SPDYA: variants seen among roughly 807,000 people sequenced by gnomAD.
SPDYA encodes the protein speedy protein A.
A neutral mutation model predicts 36.7 loss-of-function variants in SPDYA; 11 were observed. The ratio of observed to expected loss-of-function variants is 0.30; its 90% CI spans 0.19 to 0.50. The LOEUF is 0.50. Among genes scored for constraint, SPDYA ranks in the 20% least tolerant of loss-of-function variants. The pLI is 0.98. For missense variants in SPDYA, 287 were observed against 370.9 expected, an observed-to-expected ratio of 0.77 and a Z score of 1.86; for synonymous variants, 115 against 118.7, an observed-to-expected ratio of 0.97 and a Z score of 0.20.
rs535313113 is a variant in SPDYA at position 28,827,899 on chromosome 2, T to C, written c.381-1249T>C. 3.9e-5 allele frequency among the ~76,000 whole-genome samples: 6 copies of C among 152,348 alleles called. No individual in the cohort carries two copies. In the East Asian group the frequency reaches 7.7e-4, roughly 20 times the overall value. ...TGAAAGAATCCTTCATTGTTATTGA[T>C]ACTGGCCTTCAGAGTCTCCAATTCC... On this transcript the variant is annotated intron_variant, in intron 5 of 7. Coordinates refer to ENST00000334056, the MANE Select transcript of SPDYA (RefSeq NM_182756.4).
chr2:28,849,939 T>A lies in SPDYA; in HGVS notation c.940T>A (p.Ter314ArgextTer11). 1 of 1,584,574 alleles carries A rather than the reference T, an allele frequency of 6.3e-7. No homozygotes were observed. Among genetic ancestry groups the A allele is most frequent in the Middle Eastern group, 1.7e-4 (1 of 5,998 alleles). ...GGAGTGGTTTACAGGAAGTGAAGAA[T>A]GAGATGGCCCAACTAAACCAATTTG... The part of the protein sequence containing the change: ...SMEWFTGSEE[*>R] The change falls in exon 8 of 8, where the codon TGA becomes AGA. Residue 314 changes from the stop codon to arginine, a stop_lost. Coordinates refer to ENST00000334056, the MANE Select transcript of SPDYA (RefSeq NM_182756.4).
At chr2:28,828,487 AC>A (rs1668389522) in intron 5 of SPDYA, among the ~76,000 whole-genome samples, 1 of 152,188 alleles carries the variant, frequency 6.6e-6, no homozygotes, top group African/African-American at 2.4e-5. Context: ...AACTTTTTGA[AC>A]ATACAGAATA....
Position 28,823,723 on chromosome 2 carries a change from ATATATATATATATATATATAT to A in SPDYA, c.380+1314_380+1334del, listed in dbSNP as rs1425594831. On this transcript the variant is annotated intron_variant, in intron 5 of 7. Transcript: ENST00000334056. The stretch of plus-strand genomic sequence containing the variant: ...CATGAATATATATATATATATATAT[ATATATATATATATATATATAT>A]AAAATTTTTTTTTTTTTTTGAGATG... 3.8e-4 allele frequency among the ~76,000 whole-genome samples: 41 copies of A among 108,262 alleles called. 1 individual carries two copies. The highest frequency in any genetic ancestry group is 5.0e-4 in the Non-Finnish European group (25 of 50,162). The allele number at this position is 108,262 out of a possible 152,430, so 71.0% of individuals were successfully genotyped here.
chr2:28,819,336 C>T (rs907384122), intron 4 of SPDYA, among the ~76,000 whole-genome samples: 24 of 151,592 alleles, frequency 1.6e-4, no homozygotes, highest in African/African-American at 5.6e-4. Flanking sequence ...TAGTGAGACC[C>T]CCATCTCTAA....
chr2:28,812,778 A>G (rs1572484283), intron 1 of SPDYA, among the ~76,000 whole-genome samples: 1 of 145,308 alleles, frequency 6.9e-6, no homozygotes, highest in East Asian at 2.0e-4. Context: ...AATCGCTTGA[A>G]CCCAGGAGGC....
chr2:28,823,702 A>AATATATATATAT lies in SPDYA; in HGVS notation c.380+1324_380+1335dup, dbSNP rs1160889916. 7.1e-3 allele frequency among the ~76,000 whole-genome samples: 349 copies of AATATATATATAT among 49,182 alleles called. 3 individuals are homozygous for AATATATATATAT. Among genetic ancestry groups the AATATATATATAT allele is most frequent in the Middle Eastern group, 0.026 (1 of 38 alleles). The allele number at this position is 49,182 out of a possible 152,430, so 32.3% of individuals were successfully genotyped here. On this transcript the variant is annotated intron_variant, in intron 5 of 7. Transcript: ENST00000334056. ...ATAATGCTGTAGTTGGGAATGCATG[A>AATATATATATAT]ATATATATATATATATATATATATA...
chr2:28,845,867 A>G (rs1668860087), intron 7 of SPDYA, among the ~76,000 whole-genome samples: 1 of 152,094 alleles, frequency 6.6e-6, no homozygotes, highest in Admixed American at 6.6e-5. Flanking sequence ...TTCTACGATT[A>G]ATCACCTTAT....
At chr2:28,843,179 T>C (rs1281855088) in intron 7 of SPDYA, among the ~76,000 whole-genome samples, 2 of 152,232 alleles carry the variant, frequency 1.3e-5, no homozygotes, top group South Asian at 2.1e-4. Context: ...AAGTTTTAGA[T>C]AAACATGTTT....
At chr2:28,838,337 A>G (rs1332773770) in intron 6 of SPDYA, among the ~76,000 whole-genome samples, 1 of 151,924 alleles carries the variant, frequency 6.6e-6, no homozygotes. Flanking sequence ...ATGCGCCACC[A>G]TGCCCAACTA....
chr2:28,840,115 A>G, intron 6 of SPDYA, 57 bp from the exon 7 acceptor site: 2 of 1,495,900 alleles, frequency 1.3e-6, no homozygotes, highest in Non-Finnish European at 1.8e-6. Context: ...TTTTGAACTC[A>G]ATTTTAGTAA....
intron 7 of SPDYA, among the ~76,000 whole-genome samples, chr2:28,849,130 T>A (rs1668965960): frequency 6.6e-6 from 1 of 152,004 alleles, no homozygotes; most frequent in African/African-American, 2.4e-5. Flanking sequence ...TCACTGTTTA[T>A]CTGTAAAATA....
chr2:28,822,399 C>G lies in SPDYA; in HGVS notation c.369C>G (p.Phe123Leu). ...FTISEHTRIN[F>L]FIALYLANTV... ...TAAGTGAGCATACCAGGATAAATTTCTTTATTGCTCTGTAAGTATACTTTC... is the reference window on the plus strand; with the variant it reads ...TAAGTGAGCATACCAGGATAAATTTGTTTATTGCTCTGTAAGTATACTTTC... Residue 123 changes from phenylalanine to leucine, a missense_variant, in exon 5 of 8, where the codon TTC becomes TTG. By Grantham distance (22) the Phe-to-Leu change is conservative (BLOSUM62 0). Transcript: ENST00000334056. The G allele has an allele frequency of 6.5e-7, 1 of 1,527,800 alleles. No homozygotes were observed. Among genetic ancestry groups the G allele is most frequent in the Non-Finnish European group, 8.9e-7 (1 of 1,120,252 alleles). 94.6% of individuals were successfully genotyped at this position (1,527,800 alleles called of 1,614,324 possible). A position where few individuals can be genotyped will look rare whatever the true frequency, so the allele number is the denominator to read the frequency against.
At chr2:28,841,761 C>G (rs1056123218) in intron 7 of SPDYA, among the ~76,000 whole-genome samples, 1 of 152,172 alleles carries the variant, frequency 6.6e-6, no homozygotes, top group Non-Finnish European at 1.5e-5. Flanking sequence ...ATAGTCTCTT[C>G]CTTTTCAACA....
chr2:28,838,589 A>G (rs763541274), intron 6 of SPDYA, among the ~76,000 whole-genome samples: 1 of 152,232 alleles, frequency 6.6e-6, no homozygotes, highest in Admixed American at 6.5e-5. Flanking sequence ...TGTATAAAAT[A>G]TATGTAGACA....
intron 2 of SPDYA, among the ~76,000 whole-genome samples, chr2:28,815,766 A>C (rs1241712221): frequency 6.6e-6 from 1 of 152,220 alleles, no homozygotes; most frequent in Non-Finnish European, 1.5e-5. Context: ...AATGGCATAC[A>C]GTATCTTCTT....
chr2:28,843,147 T>C (rs1004229657), intron 7 of SPDYA, among the ~76,000 whole-genome samples: 2 of 152,240 alleles, frequency 1.3e-5, no homozygotes, highest in Non-Finnish European at 2.9e-5. Flanking sequence ...TTTTTTTTGT[T>C]AAAAACAACA....
intron 6 of SPDYA, among the ~76,000 whole-genome samples, chr2:28,839,968 T>G (rs145862959): frequency 0.017 from 2,632 of 152,324 alleles, 73 homozygotes; most frequent in African/African-American, 0.06. Flanking sequence ...TAATTTACTT[T>G]GTCAATTATT....
intron 1 of SPDYA, among the ~76,000 whole-genome samples, chr2:28,812,858 A>AAAG (rs1667884788): frequency 5.6e-5 from 2 of 36,002 alleles, no homozygotes; most frequent in African/African-American, 1.7e-4. Context: ...ACTCCGTCTC[A>AAAG]AAAAAAAAAA....
intron 6 of SPDYA, among the ~76,000 whole-genome samples, chr2:28,837,599 C>T (rs1668636466): frequency 6.6e-6 from 1 of 152,144 alleles, no homozygotes; most frequent in Non-Finnish European, 1.5e-5. Flanking sequence ...GTATTATTAA[C>T]TCTCACAATT....
Sources: gnomAD v4.1 joint callset for allele counts (sites outside exome capture counted in the v4.1 genomes callset) on GRCh38, gnomAD v4.1.1 for gene constraint, MANE v1.5 for transcripts, NCBI Gene and HGNC (gene_info 2026-07-23, HGNC 2026-07-21) for gene names.